The following DPP6 variants were observed in gnomAD, a reference collection of about 807,000 sequenced individuals.
DPP6 encodes the protein A-type potassium channel modulatory protein DPP6.
In DPP6, 69 loss-of-function variants were observed where a neutral mutation model predicts 122.6. That is an observed-to-expected ratio of 0.56 (90% CI 0.46 to 0.69). DPP6 has a LOEUF of 0.69. DPP6 is among the 30% of genes least tolerant of loss of function. The pLI is 0.00. For missense variants in DPP6, 928 were observed against 1,116.9 expected, an observed-to-expected ratio of 0.83 and a Z score of 2.41; for synonymous variants, 418 against 433.1, an observed-to-expected ratio of 0.97 and a Z score of 0.43.
At chr7:154,127,634 G>GACACACACACACAGACAC (rs1563225782) in intron 1 of DPP6, among the ~76,000 whole-genome samples, 71 of 59,770 alleles carry the variant, frequency 1.2e-3, no homozygotes, top group African/African-American at 2.9e-3. Flanking sequence ...CACACACACA[G>GACACACACACACAGACAC]ACACACACAC....
Position 154,143,239 on chromosome 7 carries a change from G to A in DPP6, c.243+90176G>A, listed in dbSNP as rs545817324. On this transcript the variant is annotated intron_variant, in intron 1 of 25. Transcript: ENST00000377770. ...AGGCAACAAAGACAGAGTGTTTTGCGGATTGCCAGATAAGTCTTTTCTGAC... is the reference window on the plus strand; with the variant it reads ...AGGCAACAAAGACAGAGTGTTTTGCAGATTGCCAGATAAGTCTTTTCTGAC... Among the ~76,000 whole-genome samples, 82 of 152,252 alleles carry A rather than the reference G, an allele frequency of 5.4e-4. No individual in the cohort carries two copies. The South Asian group carries it at 9.3e-3, about 17-fold the overall frequency.
rs930881706 is a variant in DPP6 at position 154,865,883 on chromosome 7, G to A, written c.1715-2112G>A. ...ATGCTTAATTTCCAAGATATGAATC[G>A]ATTTTCCACAAACCCATCTACCCCG... On this transcript the variant is annotated intron_variant, in intron 17 of 25. Transcript: ENST00000377770. 3.9e-5 allele frequency among the ~76,000 whole-genome samples: 6 copies of A among 152,154 alleles called. No individual in the cohort carries two copies. The South Asian group carries it at 6.2e-4, about 16-fold the overall frequency.
intron 12 of DPP6, among the ~76,000 whole-genome samples, chr7:154,797,353 A>C (rs907210001): frequency 6.6e-6 from 1 of 152,082 alleles, no homozygotes; most frequent in African/African-American, 2.4e-5. Flanking sequence ...TATTATACAT[A>C]TGTATGTGTG....
At chr7:154,177,516 A>G (rs935240934) in intron 1 of DPP6, among the ~76,000 whole-genome samples, 2 of 152,222 alleles carry the variant, frequency 1.3e-5, no homozygotes, top group African/African-American at 4.8e-5. Context: ...GTTGGTCACC[A>G]AACTGCTGGC....
At chr7:154,065,569 C>A (rs4067507) in intron 1 of DPP6, among the ~76,000 whole-genome samples, 4 of 150,074 alleles carry the variant, frequency 2.7e-5, no homozygotes, top group Non-Finnish European at 4.4e-5. Context: ...ATACTACTAC[C>A]TAAGCAGTTA....
intron 1 of DPP6, among the ~76,000 whole-genome samples, chr7:154,411,536 T>A (rs1184903082): frequency 6.6e-6 from 1 of 152,210 alleles, no homozygotes; most frequent in African/African-American, 2.4e-5. Context: ...CCACAGTGCT[T>A]GGCCTCAATT....
chr7:154,774,721 AG>A (rs1796459963), intron 10 of DPP6, among the ~76,000 whole-genome samples: 1 of 152,254 alleles, frequency 6.6e-6, no homozygotes, highest in Admixed American at 6.5e-5. Context: ...CAGAAATCCC[AG>A]GCTCAATGTA....
At chr7:153,945,183 T>C (rs1423633405) in intron 1 of DPP6, among the ~76,000 whole-genome samples, 1 of 152,214 alleles carries the variant, frequency 6.6e-6, no homozygotes, top group Admixed American at 6.5e-5. Context: ...TCTTTTAGAA[T>C]GCTGCCTGGC....
At chr7:153,902,610 G>A (rs1176584883) in intron 1 of DPP6, among the ~76,000 whole-genome samples, 1 of 152,058 alleles carries the variant, frequency 6.6e-6, no homozygotes, top group Non-Finnish European at 1.5e-5. Context: ...TGAGGCGGGT[G>A]GATCACCTGA....
At chr7:154,700,384 C>G (rs1182712290) in intron 7 of DPP6, among the ~76,000 whole-genome samples, 1 of 152,238 alleles carries the variant, frequency 6.6e-6, no homozygotes, top group Non-Finnish European at 1.5e-5. Flanking sequence ...GAGAGTGCTA[C>G]CAGCACGGTT....
chr7:154,816,419 AC>A (rs1274913981), intron 16 of DPP6, among the ~76,000 whole-genome samples: 1 of 152,192 alleles, frequency 6.6e-6, no homozygotes, highest in African/African-American at 2.4e-5. Flanking sequence ...CACAGAAAAA[AC>A]ATTATATATA....
intron 1 of DPP6, among the ~76,000 whole-genome samples, chr7:154,362,367 A>G (rs1811801433): frequency 6.6e-6 from 1 of 152,108 alleles, no homozygotes; most frequent in African/African-American, 2.4e-5. Flanking sequence ...ATTATTTGTC[A>G]TTCGGTACAA....
chr7:153,918,466 A>ACTCTCTCTCT (rs1202248132), intron 1 of DPP6, among the ~76,000 whole-genome samples: 1 of 95,950 alleles, frequency 1.0e-5, no homozygotes, highest in Non-Finnish European at 2.1e-5. Flanking sequence ...ACACACACAC[A>ACTCTCTCTCT]CTCTCTCTCT....
At chr7:154,398,738 G>C (rs1815315074) in intron 1 of DPP6, among the ~76,000 whole-genome samples, 1 of 152,004 alleles carries the variant, frequency 6.6e-6, no homozygotes, top group Non-Finnish European at 1.5e-5. Flanking sequence ...ACCAGACTCT[G>C]GTGTCTCAGA....
chr7:154,393,370 C>T (rs1458455117), intron 1 of DPP6, among the ~76,000 whole-genome samples: 1 of 152,170 alleles, frequency 6.6e-6, no homozygotes, highest in African/African-American at 2.4e-5. Context: ...CAAACTGAGC[C>T]TGGTATGTGG....
At chr7:154,128,973 G>A (rs1808160430) in intron 1 of DPP6, among the ~76,000 whole-genome samples, 1 of 152,046 alleles carries the variant, frequency 6.6e-6, no homozygotes, top group Admixed American at 6.6e-5. Context: ...AGGGAATGGT[G>A]AGTACTGTCA....
intron 1 of DPP6, among the ~76,000 whole-genome samples, chr7:154,234,670 A>G (rs1209012405): frequency 1.3e-5 from 2 of 152,086 alleles, no homozygotes; most frequent in African/African-American, 2.4e-5. Flanking sequence ...GCAAACACCC[A>G]ACACACACAT....
chr7:154,859,196 G>C (rs901998096), intron 17 of DPP6, among the ~76,000 whole-genome samples: 9 of 152,360 alleles, frequency 5.9e-5, no homozygotes, highest in South Asian at 2.1e-4. Context: ...CCCTGGTGAG[G>C]CCATGCCAGC....
intron 16 of DPP6, among the ~76,000 whole-genome samples, chr7:154,816,385 A>C (rs1001845525): frequency 3.9e-5 from 6 of 152,210 alleles, no homozygotes; most frequent in Non-Finnish European, 8.8e-5. Flanking sequence ...TTTATAAATG[A>C]AACTTTATAA....
Sources: allele counts gnomAD v4.1 joint callset (sites outside exome capture counted in the v4.1 genomes callset), GRCh38; gene constraint gnomAD v4.1.1; transcripts MANE v1.5; gene names NCBI Gene and HGNC (gene_info 2026-07-23, HGNC 2026-07-21).